CDC25A: variants seen among roughly 807,000 people sequenced by gnomAD.
CDC25A encodes M-phase inducer phosphatase 1.
CDC25A carries 17 observed loss-of-function variants against 64.6 expected under a neutral mutation model. The ratio of observed to expected loss-of-function variants is 0.26; its 90% CI spans 0.18 to 0.39. The LOEUF (loss-of-function observed/expected upper bound fraction) is 0.39, where lower values mean the gene tolerates loss of function less well. Ranked by LOEUF, CDC25A falls within the 10% of genes least tolerant of loss-of-function variation. CDC25A has a pLI of 1.00. For synonymous variants in CDC25A, 229 were observed against 238.6 expected (o/e 0.96, Z 0.37); for missense variants, 473 against 654.8 (o/e 0.72, Z 3.03).
At chr3:48,172,625 G>A (rs1440776973) in intron 9 of CDC25A, among the ~76,000 whole-genome samples, 1 of 152,242 alleles carries the variant, frequency 6.6e-6, no homozygotes, top group Non-Finnish European at 1.5e-5. Flanking sequence ...CACTTTGGGA[G>A]GCCAAGGCGG....
chr3:48,172,297 C>T lies in CDC25A; in HGVS notation c.930+1987G>A, dbSNP rs190276441. 5.4e-3 allele frequency among the ~76,000 whole-genome samples: 817 copies of T among 152,280 alleles called. 10 individuals carry two copies. Among genetic ancestry groups the T allele is most frequent in the South Asian group, 7.7e-3 (37 of 4,828 alleles). On this transcript the variant is annotated intron_variant, in intron 9 of 14. Transcript: ENST00000302506. ...AAAGCATTAAAAACAAAAGCAGATA[C>T]GATAAGGCAGTAGGCCTAAATGCTA...
At chr3:48,172,011 T>G (rs572344250) in intron 9 of CDC25A, among the ~76,000 whole-genome samples, 1 of 151,938 alleles carries the variant, frequency 6.6e-6, no homozygotes, top group African/African-American at 2.4e-5. Context: ...AAAAAAAATT[T>G]TTTTTAAATT....
At chr3:48,162,917 A>T (rs1362347763) in intron 13 of CDC25A, among the ~76,000 whole-genome samples, 1 of 151,862 alleles carries the variant, frequency 6.6e-6, no homozygotes, top group African/African-American at 2.4e-5. Flanking sequence ...TTTGGAGGCC[A>T]AGGAGAGAGG....
chr3:48,170,995 T>G (rs2032249197), intron 9 of CDC25A, among the ~76,000 whole-genome samples: 1 of 152,054 alleles, frequency 6.6e-6, no homozygotes, highest in South Asian at 2.1e-4. Context: ...ATATACAAAA[T>G]AATTATTAAC....
intron 9 of CDC25A, among the ~76,000 whole-genome samples, chr3:48,171,678 C>T (rs756108391): frequency 6.6e-6 from 1 of 152,044 alleles, no homozygotes; most frequent in Non-Finnish European, 1.5e-5. Context: ...AGCACTCAGC[C>T]AGAATATTAT....
At chr3:48,184,352 G>GAAAC (rs997158767) in intron 3 of CDC25A, among the ~76,000 whole-genome samples, 15 of 152,090 alleles carry the variant, frequency 9.9e-5, no homozygotes, top group South Asian at 4.1e-4. Context: ...CTCTGCCTCA[G>GAAAC]AAACAAACAA....
chr3:48,163,616 T>G lies in CDC25A; in HGVS notation c.1322+691A>C, dbSNP rs2031883274. On this transcript the variant is annotated intron_variant, in intron 13 of 14. Transcript: ENST00000302506. ...CAAAACTCCGTCAAAAAAAAAAAAT[T>G]GAAATTTTTTAATTTAAAAATGTTT... is the stretch of plus-strand genomic sequence containing the variant. 2.0e-5 allele frequency among the ~76,000 whole-genome samples: 3 copies of G among 152,172 alleles called. No homozygotes were observed. In the South Asian group the frequency reaches 6.2e-4, roughly 32 times the overall value.
At position 48,160,411 on chromosome 3, in the gene CDC25A, CTT is replaced by C. The variant is rs35304690; in HGVS notation, c.1323-958_1323-957del. ...GGAGTTAGCCACCGCACCCAGTCAC[CTT>C]TTTTTTTTTTTTTTTGAGATGGAGT... On this transcript the variant is annotated intron_variant, in intron 13 of 14. Coordinates refer to ENST00000302506, the MANE Select transcript of CDC25A (RefSeq NM_001789.3). Among the ~76,000 whole-genome samples the C allele has an allele frequency of 4.3e-3, 563 of 130,234 alleles. 4 individuals are homozygous for C. Among genetic ancestry groups the C allele is most frequent in the African/African-American group, 0.013 (458 of 34,966 alleles). 85.4% of individuals were successfully genotyped at this position (130,234 alleles called of 152,430 possible). A position where few individuals can be genotyped will look rare whatever the true frequency, so the allele number is the denominator to read the frequency against.
At chr3:48,178,108 T>C in intron 6 of CDC25A, 120 bp from the exon 7 acceptor site, 1 of 901,326 alleles carries the variant, frequency 1.1e-6, no homozygotes, top group Non-Finnish European at 1.7e-6. Flanking sequence ...CAAAGCAAAA[T>C]TTTAGCCATT....
At chr3:48,161,644 G>A (rs1269706462) in intron 13 of CDC25A, among the ~76,000 whole-genome samples, 1 of 152,098 alleles carries the variant, frequency 6.6e-6, no homozygotes, top group Non-Finnish European at 1.5e-5. Context: ...GGGAGGCAGA[G>A]GCTACAGTGA....
intron 1 of CDC25A, 97 bp from the exon 2 acceptor site, chr3:48,186,876 G>T: frequency 1.2e-6 from 1 of 808,902 alleles, no homozygotes; most frequent in Non-Finnish European, 2.0e-6. Flanking sequence ...CAGCCAGGCT[G>T]CCAGAAACCA....
intron 8 of CDC25A, 58 bp from the exon 9 acceptor site, chr3:48,174,515 G>GT (rs2032387418): frequency 3.3e-6 from 5 of 1,517,786 alleles, no homozygotes; most frequent in Non-Finnish European, 8.9e-7. Flanking sequence ...CACTTGAATG[G>GT]TAAGACAAAT....
chr3:48,159,549 CT>C, intron 13 of CDC25A, 94 bp from the exon 14 acceptor site: 1 of 772,396 alleles, frequency 1.3e-6, no homozygotes, highest in Non-Finnish European at 2.3e-6. Context: ...CTAAGTCCCC[CT>C]TATACACATC....
intron 4 of CDC25A, 27 bp downstream of exon 4, chr3:48,183,773 C>A: frequency 6.7e-7 from 1 of 1,490,142 alleles, no homozygotes; most frequent in Non-Finnish European, 9.4e-7. Flanking sequence ...CAGGTATTAG[C>A]TCAAAATAAA....
chr3:48,188,017 C>G lies in CDC25A; in HGVS notation c.-70G>C. On this transcript the variant is annotated 5_prime_UTR_variant, in exon 1 of 15. Transcript: ENST00000302506. ...CTCCGCCGCGACCGCCCCGCCCCGC[C>G]GACACCGGCCTCGGCCGCGCGCCAC... 1 of 1,249,616 alleles carries G rather than the reference C, an allele frequency of 8.0e-7. No homozygotes were observed. Among genetic ancestry groups the G allele is most frequent in the Non-Finnish European group, 1.0e-6 (1 of 982,700 alleles). The allele number at this position is 1,249,616 out of a possible 1,614,324, so 77.4% of individuals were successfully genotyped here.
intron 10 of CDC25A, among the ~76,000 whole-genome samples, chr3:48,166,430 C>T (rs1288895729): frequency 6.6e-6 from 1 of 152,204 alleles, no homozygotes; most frequent in African/African-American, 2.4e-5. Flanking sequence ...TCCAAGGTTA[C>T]CTAGCTAGTA....
At chr3:48,173,573 G>A (rs140820720) in intron 9 of CDC25A, among the ~76,000 whole-genome samples, 11 of 152,232 alleles carry the variant, frequency 7.2e-5, no homozygotes, top group South Asian at 2.1e-4. Flanking sequence ...AACAGCAAGC[G>A]GGGGCCTCCA....
chr3:48,179,346 A>G (rs2032579116), intron 6 of CDC25A, among the ~76,000 whole-genome samples: 1 of 152,090 alleles, frequency 6.6e-6, no homozygotes, highest in Non-Finnish European at 1.5e-5. Context: ...CTGATACCCA[A>G]CTCTTAAAGC....
chr3:48,167,023 C>T (rs564804387), intron 10 of CDC25A, among the ~76,000 whole-genome samples: 1 of 152,258 alleles, frequency 6.6e-6, no homozygotes, highest in African/African-American at 2.4e-5. Flanking sequence ...ATATCAACGG[C>T]CCAACCCCAG....
Sources: gnomAD v4.1 joint callset for allele counts (sites outside exome capture counted in the v4.1 genomes callset) on GRCh38, gnomAD v4.1.1 for gene constraint, MANE v1.5 for transcripts, NCBI Gene and HGNC (gene_info 2026-07-23, HGNC 2026-07-21) for gene names.